The following ITPR2 variants were observed in gnomAD, a reference collection of about 807,000 sequenced individuals.
ITPR2 encodes inositol 1,4,5-trisphosphate receptor type 2.
A neutral mutation model predicts 317.1 loss-of-function variants in ITPR2; 207 were observed. That is an observed-to-expected ratio of 0.65 (90% CI 0.58 to 0.73). The LOEUF is 0.73. ITPR2 is among the 30% of genes least tolerant of loss of function. ITPR2 has a pLI of 0.00. For synonymous variants in ITPR2, 1,156 were observed against 1,149.1 expected, an observed-to-expected ratio of 1.01 and a Z score of -0.12; for missense variants, 2,613 against 3,284.0, an observed-to-expected ratio of 0.80 and a Z score of 4.99.
chr12:26,494,030 A>ATT (rs11291225), intron 39 of ITPR2, 123 bp downstream of exon 39: 12 of 491,160 alleles, frequency 2.4e-5, no homozygotes, highest in East Asian at 1.1e-4. Context: ...TGATACATGG[A>ATT]TTTTTTTTTT....
rs745416907 is a variant in ITPR2, at chr12:26,663,852, A to G, written c.1552-6T>C. ...GCTTTAAGAATTCCAAATACCTATC[A>G]GGAATAAAAACAGCCACCTATTCTG... On this transcript the variant is annotated splice_polypyrimidine_tract_variant and splice_region_variant and intron_variant, in intron 14 of 56. Transcript: ENST00000381340. 6.3e-7 allele frequency: 1 copy of G among 1,599,556 alleles called. No individual in the cohort carries two copies. The highest frequency in any genetic ancestry group is 1.1e-5 in the South Asian group (1 of 87,768).
At chr12:26,454,630 T>G (rs1386231386) in intron 45 of ITPR2, among the ~76,000 whole-genome samples, 1 of 151,970 alleles carries the variant, frequency 6.6e-6, no homozygotes, top group Admixed American at 6.6e-5. Flanking sequence ...AAGGCAAACA[T>G]CAAAAGGTGA....
At chr12:26,646,609 C>T (rs1364018644) in intron 21 of ITPR2, among the ~76,000 whole-genome samples, 1 of 152,162 alleles carries the variant, frequency 6.6e-6, no homozygotes, top group East Asian at 1.9e-4. Flanking sequence ...TGTCTCCGCC[C>T]TACCCTGGGT....
chr12:26,807,464 T>G (rs2137256699), intron 1 of ITPR2, among the ~76,000 whole-genome samples: 1 of 152,316 alleles, frequency 6.6e-6, no homozygotes, highest in South Asian at 2.1e-4. Flanking sequence ...AATGTCCTGC[T>G]GCAGGCATCA....
chr12:26,690,189 T>C (rs755677939), intron 10 of ITPR2, among the ~76,000 whole-genome samples: 7 of 152,178 alleles, frequency 4.6e-5, no homozygotes, highest in Non-Finnish European at 8.8e-5. Flanking sequence ...AGTGGAATAT[T>C]GGGAAGGCAC....
chr12:26,656,104 A>G (rs1947363100), intron 19 of ITPR2, among the ~76,000 whole-genome samples, 193 bp downstream of exon 19: 1 of 152,220 alleles, frequency 6.6e-6, no homozygotes, highest in African/African-American at 2.4e-5. Context: ...TGTTTTCTAG[A>G]AAGTGCCTTT....
At chr12:26,787,347 T>A (rs970064284) in intron 2 of ITPR2, among the ~76,000 whole-genome samples, 3 of 152,166 alleles carry the variant, frequency 2.0e-5, no homozygotes, top group Non-Finnish European at 4.4e-5. Flanking sequence ...CCAGCAAGGA[T>A]AATGACCTCA....
At chr12:26,677,341 T>C (rs1947931450) in intron 13 of ITPR2, among the ~76,000 whole-genome samples, 1 of 152,242 alleles carries the variant, frequency 6.6e-6, no homozygotes. Flanking sequence ...GGCTCACGTC[T>C]GTAATCTCAG....
At chr12:26,673,554 A>G (rs1223916231) in intron 13 of ITPR2, among the ~76,000 whole-genome samples, 137 of 151,482 alleles carry the variant, frequency 9.0e-4, no homozygotes, top group Non-Finnish European at 1.6e-3. Context: ...TCAAAATAAT[A>G]AGAGCTATCT....
At chr12:26,545,357 C>T (rs531845644) in intron 37 of ITPR2, among the ~76,000 whole-genome samples, 14 of 151,222 alleles carry the variant, frequency 9.3e-5, no homozygotes, top group South Asian at 4.2e-4. Context: ...CAGAGTAGGA[C>T]GAGATGTGAC....
At chr12:26,766,513 TTCAAG>T (rs1949722485) in intron 2 of ITPR2, among the ~76,000 whole-genome samples, 1 of 152,342 alleles carries the variant, frequency 6.6e-6, no homozygotes, top group South Asian at 2.1e-4. Flanking sequence ...ATATTCTAGA[TTCAAG>T]TCCCTTACCA....
At chr12:26,683,204 C>A (rs1948068497) in intron 11 of ITPR2, among the ~76,000 whole-genome samples, 2 of 152,102 alleles carry the variant, frequency 1.3e-5, no homozygotes, top group Non-Finnish European at 2.9e-5. Context: ...TTATTTGTAG[C>A]CCCCAAATCA....
At chr12:26,598,629 G>A (rs1350549351) in intron 30 of ITPR2, among the ~76,000 whole-genome samples, 1 of 152,166 alleles carries the variant, frequency 6.6e-6, no homozygotes, top group Non-Finnish European at 1.5e-5. Flanking sequence ...CTATTCATTT[G>A]CTGAAATTTG....
chr12:26,419,895 T>C (rs2136686922), intron 49 of ITPR2: 1 of 152,230 alleles, frequency 6.6e-6, no homozygotes, highest in Non-Finnish European at 1.5e-5. Context: ...TTTATATACA[T>C]AGAAAATATA....
chr12:26,761,921 A>G (rs142793640), intron 2 of ITPR2, among the ~76,000 whole-genome samples: 48 of 152,356 alleles, frequency 3.2e-4, no homozygotes, highest in African/African-American at 1.1e-3. Flanking sequence ...ACTAAACAGA[A>G]ATTCTGGAGC....
At chr12:26,434,861 G>C (rs1170664137) in intron 48 of ITPR2, among the ~76,000 whole-genome samples, 1 of 152,170 alleles carries the variant, frequency 6.6e-6, no homozygotes, top group East Asian at 1.9e-4. Context: ...TATCATTCAT[G>C]CTGGACTTCT....
At chr12:26,550,485 T>G in intron 36 of ITPR2, 130 bp from the exon 37 acceptor site, 1 of 585,170 alleles carries the variant, frequency 1.7e-6, no homozygotes, top group Non-Finnish European at 3.0e-6. Context: ...GTACATGTTT[T>G]CAAAAGTTTT....
chr12:26,501,882 C>T (rs1943080002), intron 37 of ITPR2, among the ~76,000 whole-genome samples: 1 of 152,168 alleles, frequency 6.6e-6, no homozygotes, highest in Non-Finnish European at 1.5e-5. Flanking sequence ...CACTGTTTTC[C>T]AATATAAATA....
At chr12:26,346,974 C>T (rs1938332178) in intron 55 of ITPR2, among the ~76,000 whole-genome samples, 1 of 152,118 alleles carries the variant, frequency 6.6e-6, no homozygotes, top group South Asian at 2.1e-4. Context: ...AGAAACACGG[C>T]ATTTTGGCTA....
Sources: allele counts gnomAD v4.1 joint callset (sites outside exome capture counted in the v4.1 genomes callset), GRCh38; gene constraint gnomAD v4.1.1; transcripts MANE v1.5; gene names NCBI Gene and HGNC (gene_info 2026-07-23, HGNC 2026-07-21).